Variants in HEATR5B observed in about 807,000 individuals in gnomAD.
HEATR5B encodes the protein HEAT repeat containing 5B, also known as HEAT repeat-containing protein 5B.
A neutral mutation model predicts 224.1 loss-of-function variants in HEATR5B; 156 were observed. The observed-to-expected ratio is 0.70, with a 90% CI of 0.61 to 0.80. HEATR5B has a LOEUF of 0.80. Among genes scored for constraint, HEATR5B ranks in the 30% least tolerant of loss-of-function variants. The pLI is 0.00. For missense variants in HEATR5B, 2,323 were observed against 2,535.5 expected, an observed-to-expected ratio of 0.92 and a Z score of 1.80; for synonymous variants, 1,027 against 893.0, an observed-to-expected ratio of 1.15 and a Z score of -2.68.
chr2:37,075,126 C>T (rs149376122), intron 5 of HEATR5B, among the ~76,000 whole-genome samples: 49 of 152,244 alleles, frequency 3.2e-4, no homozygotes, highest in African/African-American at 1.2e-3. Flanking sequence ...ATGTTCACAG[C>T]AGTTTTTTTG....
chr2:37,019,082 C>T (rs187437634), intron 26 of HEATR5B, among the ~76,000 whole-genome samples: 6 of 151,858 alleles, frequency 4.0e-5, no homozygotes, highest in African/African-American at 1.2e-4. Context: ...TGCTTGAACC[C>T]GGGAGGCGGA....
intron 2 of HEATR5B, 112 bp from the exon 3 acceptor site, chr2:37,079,443 AT>A: frequency 6.7e-6 from 4 of 596,000 alleles, no homozygotes; most frequent in Non-Finnish European, 8.8e-6. Flanking sequence ...AAAAATCTAT[AT>A]TGTATTAAAC....
intron 14 of HEATR5B, 37 bp downstream of exon 14, chr2:37,058,413 GA>G: frequency 8.0e-7 from 1 of 1,250,834 alleles, no homozygotes; most frequent in Non-Finnish European, 1.2e-6. Context: ...GAATTGTAAA[GA>G]AAAATTTTTA....
chr2:37,026,028 G>C (rs999480813), intron 24 of HEATR5B, among the ~76,000 whole-genome samples: 7 of 152,178 alleles, frequency 4.6e-5, no homozygotes, highest in Non-Finnish European at 7.3e-5. Context: ...TGTGATTAAG[G>C]TTATGGAGTC....
In HEATR5B at chr2:37,068,696, G is replaced by A; in HGVS notation, c.1162C>T (p.Gln388Ter). The change falls in exon 8 of 36, where the codon CAA (glutamine) becomes TAA (stop). Residue 388 changes from glutamine to a stop codon, truncating the protein, a stop_gained. Coordinates refer to ENST00000233099, the MANE Select transcript of HEATR5B (RefSeq NM_019024.3). LOFTEE classifies it high-confidence loss of function. ...AKEICQAIGK[Q>*]MKAVEAVVND... The stretch of plus-strand genomic sequence containing the variant: ...TGATTCTTACCTACGGCTTTCATTT[G>A]TTTTCCAATAGCTTGGCAGATTTCT... 6.2e-7 allele frequency: 1 copy of A among 1,614,076 alleles called. No individual in the cohort carries two copies. Among genetic ancestry groups the A allele is most frequent in the Non-Finnish European group, 8.5e-7 (1 of 1,179,994 alleles).
chr2:37,065,783 T>A lies in HEATR5B; in HGVS notation c.1305A>T (p.Ala435=). ...GSLVQSLNAT[A]SPLIQEASIG... ...TAGATGCTTCTTGAATAAGAGGGGA[T>A]GCGGTGGCATTCAAGCTCTGCACCA... The change falls in exon 9 of 36, where the codon GCA becomes GCT. Residue 435 remains alanine (A), a synonymous_variant. Transcript: ENST00000233099. 1 of 1,613,882 alleles carries A rather than the reference T, an allele frequency of 6.2e-7. No individual in the cohort carries two copies. The highest frequency in any genetic ancestry group is 8.5e-7 in the Non-Finnish European group (1 of 1,179,830).
intron 26 of HEATR5B, among the ~76,000 whole-genome samples, chr2:37,017,687 CAAA>C (rs1056240189): frequency 0.023 from 1,413 of 61,666 alleles, 4 homozygotes; most frequent in Middle Eastern, 0.051. Context: ...AATTCCGTCT[CAAA>C]AAAAAAAAAA....
intron 33 of HEATR5B, among the ~76,000 whole-genome samples, chr2:36,992,860 G>A (rs1458527367): frequency 6.6e-6 from 1 of 151,928 alleles, no homozygotes; most frequent in African/African-American, 2.4e-5. Context: ...GAGGAGGTGG[G>A]ACTACAGGCA....
chr2:37,081,166 T>C (rs779846602), intron 2 of HEATR5B, among the ~76,000 whole-genome samples: 3 of 152,066 alleles, frequency 2.0e-5, no homozygotes, highest in Non-Finnish European at 2.9e-5. Flanking sequence ...TCCCCAGTTG[T>C]AGAGGATTTA....
chr2:37,082,736 G>A (rs1001559663), intron 2 of HEATR5B, among the ~76,000 whole-genome samples: 3 of 152,204 alleles, frequency 2.0e-5, no homozygotes, highest in African/African-American at 7.2e-5. Flanking sequence ...CTGGCTTGCT[G>A]TTAATAGACA....
At chr2:37,001,250 G>C (rs1362134176) in intron 32 of HEATR5B, among the ~76,000 whole-genome samples, 1 of 152,146 alleles carries the variant, frequency 6.6e-6, no homozygotes, top group Non-Finnish European at 1.5e-5. Context: ...GACCAGGAAA[G>C]TAAAAGGACT....
At chr2:37,013,810 C>A (rs2148415649) in intron 27 of HEATR5B, 31 bp downstream of exon 27, 2 of 1,494,424 alleles carry the variant, frequency 1.3e-6, no homozygotes, top group South Asian at 2.8e-5. Context: ...AGAAATGGGT[C>A]AAAAACAATA....
In HEATR5B at chr2:37,064,871, C is replaced by A. The variant is rs1397637114; in HGVS notation, c.1453G>T (p.Asp485Tyr). Residue 485 changes from aspartate to tyrosine, a missense_variant, in exon 10 of 36, where the codon GAC becomes TAC. This residue lies in a region of HEATR5B where 502 missense variants were observed against 517.8 expected (regional missense o/e 0.97). Transcript: ENST00000233099. ...ALPFQLTPFLDRCAERLNNLK... is the reference protein window; with the variant it reads ...ALPFQLTPFLYRCAERLNNLK... Reference sequence around the variant, plus strand: ...TTGTTGAGCCGTTCTGCACACCTGTCTAGAAATGGTGTCAGCTGGAAAGGT... The same window carrying A: ...TTGTTGAGCCGTTCTGCACACCTGTATAGAAATGGTGTCAGCTGGAAAGGT... 1.2e-6 allele frequency: 2 copies of A among 1,614,114 alleles called. No homozygotes were observed. Among genetic ancestry groups the A allele is most frequent in the East Asian group, 2.2e-5 (1 of 44,880 alleles).
At chr2:36,988,597 A>G (rs1424794482) in intron 35 of HEATR5B, 49 bp downstream of exon 35, 5 of 1,470,614 alleles carry the variant, frequency 3.4e-6, no homozygotes, top group African/African-American at 1.4e-5. Flanking sequence ...TTTATATACA[A>G]TACAGATCTT....
intron 2 of HEATR5B, among the ~76,000 whole-genome samples, chr2:37,079,788 C>A (rs184079548): frequency 6.6e-6 from 1 of 152,184 alleles, no homozygotes; most frequent in African/African-American, 2.4e-5. Flanking sequence ...ATACCCAGCT[C>A]TACCCATAAT....
At chr2:36,987,415 T>C (rs1209666562) in intron 35 of HEATR5B, among the ~76,000 whole-genome samples, 7 of 140,458 alleles carry the variant, frequency 5.0e-5, no homozygotes, top group Admixed American at 3.5e-4. Context: ...GGCAAGACTT[T>C]GTTTCAAAAA....
At chr2:37,019,492 C>T (rs553731857) in intron 26 of HEATR5B, among the ~76,000 whole-genome samples, 63 of 150,610 alleles carry the variant, frequency 4.2e-4, no homozygotes, top group African/African-American at 1.0e-3. Flanking sequence ...GGTCTCGCTC[C>T]GTTGCCCAGG....
intron 35 of HEATR5B, among the ~76,000 whole-genome samples, chr2:36,987,140 T>C (rs1193162420): frequency 1.3e-5 from 2 of 152,130 alleles, no homozygotes; most frequent in African/African-American, 4.8e-5. Flanking sequence ...ATAAAGATGC[T>C]CATCTCGGCC....
intron 30 of HEATR5B, among the ~76,000 whole-genome samples, chr2:37,005,236 C>T (rs781728585): frequency 1.3e-5 from 2 of 152,158 alleles, no homozygotes; most frequent in Non-Finnish European, 2.9e-5. Flanking sequence ...GAGGAAAACC[C>T]GTCCCGCATG....
Sources: allele counts gnomAD v4.1 joint callset (sites outside exome capture counted in the v4.1 genomes callset), GRCh38; gene constraint gnomAD v4.1.1; regional missense constraint gnomAD v4.1.1; transcripts MANE v1.5; gene names NCBI Gene and HGNC (gene_info 2026-07-23, HGNC 2026-07-21).